Variants in NOX4 observed in about 807,000 individuals in gnomAD.
NOX4 encodes the protein kidney oxidase-1.
NOX4 carries 69 observed loss-of-function variants against 87.6 expected under a neutral mutation model. That is an observed-to-expected ratio of 0.79 (90% CI 0.65 to 0.96). The LOEUF (loss-of-function observed/expected upper bound fraction) is 0.96, where lower values mean the gene tolerates loss of function less well. Ranked by LOEUF, NOX4 falls within the 40% of genes least tolerant of loss-of-function variation. NOX4 has a pLI of 0.00. For missense variants in NOX4, 680 were observed against 681.5 expected (o/e 1.00, Z 0.02); for synonymous variants, 275 against 238.2 (o/e 1.15, Z -1.42).
intron 9 of NOX4, among the ~76,000 whole-genome samples, chr11:89,401,451 G>T (rs532036467): frequency 2.6e-5 from 4 of 152,054 alleles, no homozygotes; most frequent in Non-Finnish European, 5.9e-5. Context: ...TAATAAACAC[G>T]ACTAATACAC....
At chr11:89,376,486 C>T (rs1939848171) in intron 11 of NOX4, among the ~76,000 whole-genome samples, 1 of 152,106 alleles carries the variant, frequency 6.6e-6, no homozygotes, top group Non-Finnish European at 1.5e-5. Flanking sequence ...ATATCTACAG[C>T]TCTATCGTTC....
At chr11:89,532,015 C>T in the NOX4 span, among the ~76,000 whole-genome samples, 11 of 152,256 alleles carry the variant, frequency 7.2e-5, no homozygotes, top group East Asian at 1.2e-3. Flanking sequence ...AGTTGGGCTT[C>T]GGGAGTTTCC....
At chr11:89,464,591 T>C (rs12225280) in intron 2 of NOX4, among the ~76,000 whole-genome samples, 14,023 of 152,168 alleles carry the variant, frequency 0.092, 798 homozygotes, top group South Asian at 0.2. Context: ...AAAAAATGAC[T>C]GCTCTAAGTT....
upstream of NOX4, among the ~76,000 whole-genome samples, chr11:89,498,510 C>T (rs1946983445): frequency 6.6e-6 from 1 of 152,068 alleles, no homozygotes; most frequent in Non-Finnish European, 1.5e-5. Context: ...CTTCACATCC[C>T]GTTTATATTA....
At chr11:89,346,974 T>G (rs1329038666) in intron 13 of NOX4, among the ~76,000 whole-genome samples, 2 of 152,206 alleles carry the variant, frequency 1.3e-5, no homozygotes, top group African/African-American at 4.8e-5. Context: ...GCATTAGGCA[T>G]TCTTATAACT....
chr11:89,393,183 T>C (rs1227695379), intron 11 of NOX4, among the ~76,000 whole-genome samples: 1 of 152,092 alleles, frequency 6.6e-6, no homozygotes, highest in Non-Finnish European at 1.5e-5. Flanking sequence ...TATTGGCTTC[T>C]AGTGGGTCAG....
At chr11:89,516,865 T>A in the NOX4 span, among the ~76,000 whole-genome samples, 2 of 152,050 alleles carry the variant, frequency 1.3e-5, no homozygotes, top group Non-Finnish European at 2.9e-5. Flanking sequence ...CGTGGGTATT[T>A]GGGGAGTTCT....
At chr11:89,337,742 T>C (rs1945779628) in intron 15 of NOX4, among the ~76,000 whole-genome samples, 1 of 151,994 alleles carries the variant, frequency 6.6e-6, no homozygotes, top group Non-Finnish European at 1.5e-5. Flanking sequence ...ATGGTGGTAG[T>C]GGTAGGGAAT....
intron 8 of NOX4, among the ~76,000 whole-genome samples, chr11:89,412,982 GA>G (rs200880084): frequency 0.022 from 3,340 of 151,986 alleles, 132 homozygotes; most frequent in African/African-American, 0.077. Context: ...AGTTATGTAA[GA>G]AAAAAATCTA....
At chr11:89,383,712 T>C (rs1176009094) in intron 11 of NOX4, among the ~76,000 whole-genome samples, 1 of 152,080 alleles carries the variant, frequency 6.6e-6, no homozygotes, top group Non-Finnish European at 1.5e-5. Context: ...TCCTTTTAAG[T>C]TATCCCCACC....
intron 13 of NOX4, 123 bp from the exon 14 acceptor site, chr11:89,342,316 T>C: frequency 2.6e-6 from 2 of 773,406 alleles, no homozygotes; most frequent in Non-Finnish European, 4.1e-6. Flanking sequence ...CCTTATTTCA[T>C]GGTTTCTCAT....
intron 2 of NOX4, among the ~76,000 whole-genome samples, chr11:89,487,800 C>A (rs1056954907): frequency 2.6e-5 from 4 of 152,246 alleles, no homozygotes; most frequent in Admixed American, 2.0e-4. Context: ...AATTCTATCT[C>A]TTTGTTATAC....
chr11:89,401,528 AT>A (rs899592514), intron 9 of NOX4, among the ~76,000 whole-genome samples: 2 of 152,086 alleles, frequency 1.3e-5, no homozygotes, highest in Non-Finnish European at 2.9e-5. Context: ...CAATAGAGAC[AT>A]TTGACATCAC....
the NOX4 span, among the ~76,000 whole-genome samples, chr11:89,561,774 C>T: frequency 1.4e-4 from 22 of 152,034 alleles, no homozygotes; most frequent in African/African-American, 5.1e-4. Context: ...GGAGGCTGGC[C>T]GCAAACAAGC....
At chr11:89,356,679 T>C (rs374522313) in intron 12 of NOX4, among the ~76,000 whole-genome samples, 13 of 152,300 alleles carry the variant, frequency 8.5e-5, no homozygotes, top group African/African-American at 3.1e-4. Context: ...ACAGAGTTTA[T>C]CACACTATGT....
intron 4 of NOX4, among the ~76,000 whole-genome samples, chr11:89,447,624 G>T (rs1449396678): frequency 6.6e-6 from 1 of 152,202 alleles, no homozygotes; most frequent in Non-Finnish European, 1.5e-5. Flanking sequence ...CTGGCAGAAT[G>T]CAAACCCTCT....
At chr11:89,328,669 A>T (rs1945317705) in intron 17 of NOX4, among the ~76,000 whole-genome samples, 1 of 152,152 alleles carries the variant, frequency 6.6e-6, no homozygotes, top group Non-Finnish European at 1.5e-5. Context: ...TTATGGGCTG[A>T]AGTCTGCCCA....
Position 89,335,935 on chromosome 11 carries a change from C to T in NOX4, c.1526G>A (p.Gly509Glu). 6.3e-7 allele frequency: 1 copy of T among 1,589,694 alleles called. No individual in the cohort carries two copies. The highest frequency in any genetic ancestry group is 8.6e-7 in the Non-Finnish European group (1 of 1,166,726). Residue 509 changes from glycine (G) to glutamate (E), a missense_variant, in exon 17 of 18, where the codon GGA becomes GAA. Gly to Glu is a moderately conservative substitution (Grantham distance 98). Transcript: ENST00000263317. ...SQTDGIQKIIGEKYHALNSRL... is the reference protein window; with the variant it reads ...SQTDGIQKIIEEKYHALNSRL... ...TGAATTCAGTGCATGATATTTTTCT[C>T]CAATTATCTTCTGCCAAAAAGAAAG...
chr11:89,538,938 G>A, the NOX4 span, among the ~76,000 whole-genome samples: 1 of 152,068 alleles, frequency 6.6e-6, no homozygotes, highest in South Asian at 2.1e-4. Flanking sequence ...GTCATGCTGG[G>A]GATGAGGTCA....
Sources: gnomAD v4.1 joint callset for allele counts (sites outside exome capture counted in the v4.1 genomes callset) on GRCh38, gnomAD v4.1.1 for gene constraint, MANE v1.5 for transcripts, NCBI Gene and HGNC (gene_info 2026-07-23, HGNC 2026-07-21) for gene names.